PCDH9: variants seen among roughly 807,000 people sequenced by gnomAD.
PCDH9 encodes the protein protocadherin-9.
PCDH9 carries 24 observed loss-of-function variants against 70.6 expected under a neutral mutation model. The observed-to-expected ratio is 0.34, with a 90% CI of 0.25 to 0.48. The LOEUF (loss-of-function observed/expected upper bound fraction) is 0.48, where lower values mean the gene tolerates loss of function less well. PCDH9 is among the 20% of genes least tolerant of loss of function. The pLI, the probability that PCDH9 is intolerant of heterozygous loss-of-function variation, is 0.99. For missense variants in PCDH9, 1,281 were observed against 1,503.6 expected (o/e 0.85, Z 2.45); for synonymous variants, 562 against 558.5 (o/e 1.01, Z -0.09).
At chr13:67,195,114 C>A (rs527716568) in intron 2 of PCDH9, among the ~76,000 whole-genome samples, 43 of 151,392 alleles carry the variant, frequency 2.8e-4, no homozygotes, top group African/African-American at 9.7e-4. Context: ...TCTCCTGGGA[C>A]AATTAATAAT....
At chr13:66,945,003 C>A (rs988595385) in intron 2 of PCDH9, among the ~76,000 whole-genome samples, 2 of 151,970 alleles carry the variant, frequency 1.3e-5, no homozygotes, top group African/African-American at 2.4e-5. Context: ...GAATACAGCA[C>A]CCCAACATTA....
At chr13:67,103,888 G>A (rs1233717407) in intron 2 of PCDH9, among the ~76,000 whole-genome samples, 1 of 152,146 alleles carries the variant, frequency 6.6e-6, no homozygotes, top group East Asian at 1.9e-4. Context: ...CTAAGTGAAC[G>A]ACTTTGAATC....
At chr13:66,786,146 G>A (rs1481233259) in intron 3 of PCDH9, among the ~76,000 whole-genome samples, 1 of 152,124 alleles carries the variant, frequency 6.6e-6, no homozygotes, top group Non-Finnish European at 1.5e-5. Flanking sequence ...ATGGCAAATT[G>A]GTTGAATGGG....
chr13:66,365,527 T>G (rs1956539776), intron 4 of PCDH9, among the ~76,000 whole-genome samples: 1 of 152,230 alleles, frequency 6.6e-6, no homozygotes, highest in African/African-American at 2.4e-5. Context: ...AGGTATTACT[T>G]TAATTGATTC....
chr13:67,209,753 G>T (rs1330843105), intron 2 of PCDH9: 1 of 152,012 alleles, frequency 6.6e-6, no homozygotes, highest in Non-Finnish European at 1.5e-5. Context: ...TTATTTCCAT[G>T]TAACCAAATA....
rs2078386384 is a variant in PCDH9, at chr13:66,685,367, G to C, written c.3139-53956C>G. On this transcript the variant is annotated intron_variant, in intron 3 of 4. Transcript: ENST00000377865. ...CTTCCACATGGTGTTGGGCCTGCAA[G>C]TGCACCGAAGTCAAAAATTGAGGTT... 2.6e-5 allele frequency among the ~76,000 whole-genome samples: 4 copies of C among 152,218 alleles called. 1 individual carries two copies. The South Asian group carries it at 8.3e-4, about 32-fold the overall frequency.
chr13:66,334,080 T>C (rs574868153), intron 4 of PCDH9, among the ~76,000 whole-genome samples: 5 of 152,300 alleles, frequency 3.3e-5, no homozygotes, highest in African/African-American at 1.2e-4. Context: ...TTTTGAAATA[T>C]GCTTTATTGT....
chr13:66,392,203 G>T (rs976120530), intron 4 of PCDH9, among the ~76,000 whole-genome samples: 3 of 151,784 alleles, frequency 2.0e-5, no homozygotes, highest in Non-Finnish European at 4.4e-5. Context: ...AAAAAAATAT[G>T]TATTTTTTTA....
intron 4 of PCDH9, among the ~76,000 whole-genome samples, chr13:66,420,591 G>A (rs1236098443): frequency 2.0e-5 from 3 of 152,154 alleles, no homozygotes; most frequent in African/African-American, 7.2e-5. Flanking sequence ...CACAAGAGAG[G>A]CCTGACTGTT....
At chr13:66,364,047 C>T (rs534540741) in intron 4 of PCDH9, among the ~76,000 whole-genome samples, 45 of 152,064 alleles carry the variant, frequency 3.0e-4, no homozygotes, top group Non-Finnish European at 5.4e-4. Flanking sequence ...CCCAGCTACT[C>T]GGGAAGCTGA....
intron 3 of PCDH9, among the ~76,000 whole-genome samples, chr13:66,857,938 C>G (rs1385711188): frequency 2.0e-5 from 3 of 152,134 alleles, no homozygotes; most frequent in African/African-American, 7.2e-5. Context: ...AACACGCCCT[C>G]AATCATTGAG....
intron 3 of PCDH9, among the ~76,000 whole-genome samples, chr13:66,737,635 G>A (rs2079174145): frequency 6.6e-6 from 1 of 152,200 alleles, no homozygotes; most frequent in African/African-American, 2.4e-5. Context: ...GCCAGTGGGT[G>A]CGCGCACCGT....
intron 3 of PCDH9, among the ~76,000 whole-genome samples, chr13:66,795,372 A>G (rs1169205122): frequency 1.3e-5 from 2 of 152,164 alleles, no homozygotes; most frequent in Admixed American, 6.6e-5. Flanking sequence ...CATACTACAT[A>G]TAAATATAAG....
chr13:66,904,347 T>A (rs926882178), intron 2 of PCDH9, among the ~76,000 whole-genome samples: 4 of 152,034 alleles, frequency 2.6e-5, no homozygotes, highest in African/African-American at 9.7e-5. Flanking sequence ...AACTTTTTCA[T>A]GTGAAAATAA....
chr13:66,591,133 T>C (rs1038406616), intron 4 of PCDH9, among the ~76,000 whole-genome samples: 1 of 151,688 alleles, frequency 6.6e-6, no homozygotes. Context: ...AGTTAAAACG[T>C]TCTATGGGAA....
In PCDH9 at chr13:66,956,623, C is replaced by T. The variant is rs542506317; in HGVS notation, c.3037-53018G>A. 2.6e-5 allele frequency among the ~76,000 whole-genome samples: 4 copies of T among 152,202 alleles called. No homozygotes were observed. The East Asian group carries it at 7.8e-4, about 30-fold the overall frequency. Reference sequence around the variant, plus strand: ...AAAATTAGCCGACCGTGGTGGCACACAGCTGTAGTCCCAGCTACTCGACAG... The same window carrying T: ...AAAATTAGCCGACCGTGGTGGCACATAGCTGTAGTCCCAGCTACTCGACAG... On this transcript the variant is annotated intron_variant, in intron 2 of 4. Coordinates refer to ENST00000377865, the MANE Select transcript of PCDH9 (RefSeq NM_203487.3).
intron 2 of PCDH9, among the ~76,000 whole-genome samples, chr13:66,957,136 A>C (rs575680065): frequency 7.9e-5 from 12 of 152,316 alleles, no homozygotes; most frequent in African/African-American, 2.9e-4. Context: ...GTGCTGACTA[A>C]AGTAGCTTAA....
At chr13:66,506,524 A>T (rs1356439275) in intron 4 of PCDH9, among the ~76,000 whole-genome samples, 1 of 152,204 alleles carries the variant, frequency 6.6e-6, no homozygotes, top group East Asian at 1.9e-4. Context: ...AATAGAAAAG[A>T]TTAGATAGTT....
chr13:66,560,106 G>A (rs542833646), intron 4 of PCDH9, among the ~76,000 whole-genome samples: 1 of 151,862 alleles, frequency 6.6e-6, no homozygotes, highest in Admixed American at 6.6e-5. Context: ...GACTCCATTG[G>A]ACCACAGAAG....
Sources: gnomAD v4.1 joint callset for allele counts (sites outside exome capture counted in the v4.1 genomes callset) on GRCh38, gnomAD v4.1.1 for gene constraint, MANE v1.5 for transcripts, NCBI Gene and HGNC (gene_info 2026-07-23, HGNC 2026-07-21) for gene names.